Variants in TMEM232 observed in about 807,000 individuals in gnomAD.
The protein encoded by TMEM232 is transmembrane protein 232.
A neutral mutation model predicts 78.8 loss-of-function variants in TMEM232; 80 were observed. That is an observed-to-expected ratio of 1.01 (90% CI 0.85 to 1.22). The LOEUF is 1.22. Among genes scored for constraint, TMEM232 ranks in the 50% most tolerant of loss-of-function variants. The pLI is 0.00. For missense variants in TMEM232, 881 were observed against 742.2 expected, an observed-to-expected ratio of 1.19 and a Z score of -2.17; for synonymous variants, 297 against 254.3, an observed-to-expected ratio of 1.17 and a Z score of -1.60.
At chr5:110,442,632 T>C (rs935195426) in intron 12 of TMEM232, among the ~76,000 whole-genome samples, 1 of 152,094 alleles carries the variant, frequency 6.6e-6, no homozygotes, top group Non-Finnish European at 1.5e-5. Flanking sequence ...TGGTAACTTA[T>C]TTAGTTTGTT....
chr5:110,584,241 AACAACCTAAATGTCTGTTG>A (rs1778543191), intron 10 of TMEM232, among the ~76,000 whole-genome samples: 1 of 152,040 alleles, frequency 6.6e-6, no homozygotes, highest in East Asian at 1.9e-4. Flanking sequence ...AAGATACGGA[AACAACCTAAATGTCTGTTG>A]ACAGATGAAT....
At chr5:110,406,650 C>A (rs1248466747) in intron 2 of TMEM232, among the ~76,000 whole-genome samples, 1 of 151,992 alleles carries the variant, frequency 6.6e-6, no homozygotes, top group Non-Finnish European at 1.5e-5. Flanking sequence ...AAGGTATGAA[C>A]CCACTGGTAA....
chr5:110,638,241 G>GATGC lies in TMEM232; in HGVS notation c.454_457dup (p.Ser153CysfsTer11), dbSNP rs1265395068. ...AACTGAATATAAATATGTTTTGAGG[G>GATGC]ATGCATCACAACACAGTCTGTATAA... On this transcript the variant is annotated frameshift_variant, in exon 5 of 14. Coordinates refer to ENST00000455884, the MANE Select transcript of TMEM232 (RefSeq NM_001039763.4). LOFTEE classifies it high-confidence loss of function. 4.5e-6 allele frequency: 7 copies of GATGC among 1,549,118 alleles called. No individual in the cohort carries two copies. Among genetic ancestry groups the GATGC allele is most frequent in the Non-Finnish European group, 6.1e-6 (7 of 1,145,956 alleles).
chr5:110,656,903 T>C (rs1561465104), intron 2 of TMEM232, among the ~76,000 whole-genome samples: 1 of 152,038 alleles, frequency 6.6e-6, no homozygotes, highest in South Asian at 2.1e-4. Context: ...TCAGTGGAGA[T>C]ATTTTTAATT....
chr5:110,464,553 C>T (rs1761873524), intron 12 of TMEM232, among the ~76,000 whole-genome samples: 1 of 152,152 alleles, frequency 6.6e-6, no homozygotes, highest in Non-Finnish European at 1.5e-5. Context: ...GCCCTGCTAG[C>T]ATATGGTGTG....
At chr5:110,638,718 CA>C (rs1786247093) in intron 4 of TMEM232, among the ~76,000 whole-genome samples, 1 of 152,022 alleles carries the variant, frequency 6.6e-6, no homozygotes, top group Non-Finnish European at 1.5e-5. Flanking sequence ...TGGCATGAAG[CA>C]ACTGAAACAG....
At chr5:110,594,866 C>T (rs571061282) in intron 10 of TMEM232, among the ~76,000 whole-genome samples, 1 of 152,336 alleles carries the variant, frequency 6.6e-6, no homozygotes, top group African/African-American at 2.4e-5. Flanking sequence ...CTTAAACTTT[C>T]CTGCTGCCAG....
At chr5:110,414,506 A>G (rs1241634499), downstream of TMEM232, among the ~76,000 whole-genome samples, 1 of 152,218 alleles carries the variant, frequency 6.6e-6, no homozygotes, top group African/African-American at 2.4e-5. Flanking sequence ...TTAATTTTAT[A>G]CCACATTTTA....
intron 1 of TMEM232, among the ~76,000 whole-genome samples, chr5:110,679,575 A>G (rs559309933): frequency 7.9e-5 from 12 of 152,276 alleles, no homozygotes; most frequent in Admixed American, 1.3e-4. Context: ...ATTTGGTGTC[A>G]TATCTAAAAA....
chr5:110,474,960 C>T (rs953524919), intron 12 of TMEM232, among the ~76,000 whole-genome samples: 3 of 151,776 alleles, frequency 2.0e-5, no homozygotes, highest in African/African-American at 7.3e-5. Flanking sequence ...TTTTTCAGTG[C>T]AGTATTTTTC....
intron 12 of TMEM232, among the ~76,000 whole-genome samples, chr5:110,495,212 G>A (rs551388942): frequency 6.7e-6 from 1 of 148,824 alleles, no homozygotes; most frequent in Non-Finnish European, 1.5e-5. Context: ...GTGGTTTAAA[G>A]TAGCTCCGCC....
At chr5:110,426,339 G>A (rs543830051) in intron 12 of TMEM232, among the ~76,000 whole-genome samples, 10 of 151,980 alleles carry the variant, frequency 6.6e-5, no homozygotes, top group African/African-American at 2.4e-5. Flanking sequence ...ACTTTTGCCT[G>A]TTTGCTTACC....
chr5:110,719,145 T>G (rs1413055722), intron 1 of TMEM232, among the ~76,000 whole-genome samples: 2 of 151,906 alleles, frequency 1.3e-5, no homozygotes, highest in Non-Finnish European at 2.9e-5. Flanking sequence ...TGAAATACTA[T>G]GAAGTACATG....
At position 110,538,051 on chromosome 5, in the gene TMEM232, T is replaced by A. The variant is rs545336580; in HGVS notation, c.1456-9216A>T. Among the ~76,000 whole-genome samples, 465 of 152,302 alleles carry A rather than the reference T, an allele frequency of 3.1e-3. 4 individuals are homozygous for A. Among genetic ancestry groups the A allele is most frequent in the African/African-American group, 0.011 (444 of 41,560 alleles). ...TGGGACTATAATACCCCCATGGGAA[T>A]GAACAACCGGGCTAAATTTCTTGAG... On this transcript the variant is annotated intron_variant, in intron 11 of 13. Transcript: ENST00000455884.
At chr5:110,519,527 T>C (rs1405775266) in intron 12 of TMEM232, among the ~76,000 whole-genome samples, 1 of 151,994 alleles carries the variant, frequency 6.6e-6, no homozygotes, top group Non-Finnish European at 1.5e-5. Context: ...TTGGAAGAAA[T>C]ATAAATTAGT....
intron 10 of TMEM232, among the ~76,000 whole-genome samples, chr5:110,570,021 G>A (rs539752569): frequency 2.0e-5 from 3 of 151,952 alleles, no homozygotes; most frequent in Admixed American, 6.6e-5. Flanking sequence ...AAAGGAAGAG[G>A]AGGCAGAAGA....
intron 10 of TMEM232, among the ~76,000 whole-genome samples, chr5:110,592,669 A>G (rs2149777976): frequency 6.6e-6 from 1 of 152,296 alleles, no homozygotes; most frequent in Admixed American, 6.5e-5. Flanking sequence ...GAAAACAAAA[A>G]CAAAAACAAA....
At chr5:110,660,505 G>C (rs932020391) in intron 2 of TMEM232, among the ~76,000 whole-genome samples, 2 of 151,878 alleles carry the variant, frequency 1.3e-5, no homozygotes, top group African/African-American at 2.4e-5. Flanking sequence ...GAGTTAAAAA[G>C]CAATGAAAAT....
At chr5:110,627,541 GAA>G (rs1352023263) in intron 6 of TMEM232, among the ~76,000 whole-genome samples, 1 of 151,364 alleles carries the variant, frequency 6.6e-6, no homozygotes, top group Non-Finnish European at 1.5e-5. Flanking sequence ...AAAATTGCCG[GAA>G]AAAAAAGTAG....
Sources: gnomAD v4.1 joint callset for allele counts (sites outside exome capture counted in the v4.1 genomes callset) on GRCh38, gnomAD v4.1.1 for gene constraint, MANE v1.5 for transcripts, NCBI Gene and HGNC (gene_info 2026-07-23, HGNC 2026-07-21) for gene names.